Variants in TDRD10 observed in about 807,000 individuals in gnomAD.
The protein encoded by TDRD10 is tudor domain containing 10, also known as tudor domain-containing protein 10.
In TDRD10, 40 loss-of-function variants were observed where a neutral mutation model predicts 48.0. That is an observed-to-expected ratio of 0.83 (90% CI 0.65 to 1.09). The LOEUF (loss-of-function observed/expected upper bound fraction) is 1.09, where lower values mean the gene tolerates loss of function less well. Ranked by LOEUF, TDRD10 falls within the 50% of genes least tolerant of loss-of-function variation. TDRD10 has a pLI of 0.00. For synonymous variants in TDRD10, 162 were observed against 170.4 expected, an observed-to-expected ratio of 0.95 and a Z score of 0.38; for missense variants, 378 against 434.7, an observed-to-expected ratio of 0.87 and a Z score of 1.16.
chr1:154,538,593 C>T (rs563616750), intron 6 of TDRD10, among the ~76,000 whole-genome samples: 3 of 146,672 alleles, frequency 2.0e-5, no homozygotes, highest in African/African-American at 7.6e-5. Flanking sequence ...GTGGCTCATG[C>T]CTGTAATCCC....
intron 4 of TDRD10, 80 bp from the exon 5 acceptor site, chr1:154,520,224 C>A (rs1693986646): frequency 2.0e-6 from 2 of 980,878 alleles, no homozygotes; most frequent in African/African-American, 1.6e-5. Flanking sequence ...TCCAGACTAG[C>A]TGGCTGGGGA....
At chr1:154,532,946 T>C (rs1249018661) in intron 6 of TDRD10, among the ~76,000 whole-genome samples, 1 of 151,632 alleles carries the variant, frequency 6.6e-6, no homozygotes, top group African/African-American at 2.4e-5. Context: ...GAGGAAAGTC[T>C]TGACTCTCCA....
intron 6 of TDRD10, among the ~76,000 whole-genome samples, chr1:154,527,752 T>C (rs1227752507): frequency 1.3e-5 from 2 of 152,192 alleles, no homozygotes; most frequent in African/African-American, 4.8e-5. Flanking sequence ...TGCAATAATA[T>C]AACTAACAAA....
At chr1:154,506,623 G>T (rs998496530) in intron 1 of TDRD10, among the ~76,000 whole-genome samples, 1 of 152,122 alleles carries the variant, frequency 6.6e-6, no homozygotes, top group African/African-American at 2.4e-5. Context: ...TGATCCACCC[G>T]CCTCGGCCTC....
chr1:154,510,785 G>A (rs547562853), intron 4 of TDRD10, among the ~76,000 whole-genome samples: 1 of 151,820 alleles, frequency 6.6e-6, no homozygotes, highest in South Asian at 2.1e-4. Context: ...GGTGGCTCAC[G>A]CCTGTAATTC....
chr1:154,502,266 G>A lies in TDRD10; in HGVS notation c.-791G>A. ...GAGGACACCGTGGCTCTCGGAGGCG[G>A]CGGGCGCCGGGGGCTTCCCCCTGCT... On this transcript the variant is annotated 5_prime_UTR_variant, in exon 1 of 13. Coordinates refer to ENST00000368482, the MANE Select transcript of TDRD10 (RefSeq NM_182499.4). 4.4e-6 allele frequency: 1 copy of A among 225,856 alleles called. No homozygotes were observed. The allele number at this position is 225,856 out of a possible 1,614,324, so 14.0% of individuals were successfully genotyped here. A position where few individuals can be genotyped will look rare whatever the true frequency, so the allele number is the denominator to read the frequency against.
At chr1:154,526,006 A>G (rs1570937881) in intron 6 of TDRD10, among the ~76,000 whole-genome samples, 1 of 150,508 alleles carries the variant, frequency 6.6e-6, no homozygotes, top group Non-Finnish European at 1.5e-5. Context: ...GTTTGAGACC[A>G]CCCTGGCCAA....
intron 4 of TDRD10, among the ~76,000 whole-genome samples, chr1:154,509,095 CT>C (rs59771172): frequency 2.1e-4 from 27 of 127,176 alleles, no homozygotes; most frequent in African/African-American, 7.0e-4. Context: ...CACCTCCTGA[CT>C]TTTTTTTTTT....
At chr1:154,528,610 G>A (rs1694437007) in intron 6 of TDRD10, among the ~76,000 whole-genome samples, 1 of 152,022 alleles carries the variant, frequency 6.6e-6, no homozygotes, top group African/African-American at 2.4e-5. Context: ...GGAGGCTGAG[G>A]CAGGCGGAGA....
At chr1:154,507,769 C>T (rs990086854) in intron 3 of TDRD10, among the ~76,000 whole-genome samples, 1 of 152,226 alleles carries the variant, frequency 6.6e-6, no homozygotes, top group Non-Finnish European at 1.5e-5. Context: ...TCACCACTCA[C>T]TGCATGCAGT....
Position 154,521,533 on chromosome 1 carries a change from G to A in TDRD10, c.369+54G>A, listed in dbSNP as rs181700500. The A allele has an allele frequency of 3.4e-5, 54 of 1,579,084 alleles. No homozygotes were observed. In the Middle Eastern group the frequency reaches 6.8e-4, roughly 20 times the overall value. ...GCGTTCCATTTTCACCCTTTAGAGC[G>A]TGGCTGACTTTGCTTTCAGTGCTTT... On this transcript the variant is annotated intron_variant, in intron 6 of 12. Transcript: ENST00000368482.
chr1:154,547,560 C>T (rs1045129881), intron 12 of TDRD10, 81 bp downstream of exon 12: 1 of 1,614,240 alleles, frequency 6.2e-7, no homozygotes, highest in Non-Finnish European at 8.5e-7. Context: ...CTGCCTAGGC[C>T]TGGACACAGT....
At chr1:154,525,711 T>C (rs1694277221) in intron 6 of TDRD10, among the ~76,000 whole-genome samples, 1 of 152,104 alleles carries the variant, frequency 6.6e-6, no homozygotes, top group South Asian at 2.1e-4. Context: ...CTAGCCAACA[T>C]GGCGAAACCC....
At chr1:154,507,095 A>G in intron 2 of TDRD10, 146 bp from the exon 3 acceptor site, 2 of 1,523,570 alleles carry the variant, frequency 1.3e-6, no homozygotes, top group East Asian at 2.4e-5. Context: ...CCTGGCTTGG[A>G]ACCTGATTCT....
intron 6 of TDRD10, 163 bp from the exon 7 acceptor site, chr1:154,541,861 G>T: frequency 1.6e-6 from 1 of 622,388 alleles, no homozygotes. Context: ...ATGCCGTGAG[G>T]ATGGAGAGAG....
chr1:154,535,368 A>G (rs566424565), intron 6 of TDRD10, among the ~76,000 whole-genome samples: 6 of 139,452 alleles, frequency 4.3e-5, no homozygotes, highest in Admixed American at 4.2e-4. Flanking sequence ...CTCCATCTCA[A>G]GAAAAAAAAA....
chr1:154,529,497 C>T (rs562445927), intron 6 of TDRD10, among the ~76,000 whole-genome samples: 31 of 151,006 alleles, frequency 2.1e-4, no homozygotes, highest in African/African-American at 7.3e-4. Flanking sequence ...GCAGAAACCG[C>T]AATAATTTTT....
intron 1 of TDRD10, among the ~76,000 whole-genome samples, chr1:154,505,273 G>A (rs1192328868): frequency 1.3e-5 from 2 of 152,238 alleles, no homozygotes; most frequent in African/African-American, 4.8e-5. Context: ...TAGCTGCTTA[G>A]CATAGTACCT....
chr1:154,503,764 T>C (rs945200996), intron 1 of TDRD10, among the ~76,000 whole-genome samples: 1 of 152,240 alleles, frequency 6.6e-6, no homozygotes, highest in Non-Finnish European at 1.5e-5. Flanking sequence ...GTGGACGGCC[T>C]CATTTGTGTG....
Sources: gnomAD v4.1 joint callset for allele counts (sites outside exome capture counted in the v4.1 genomes callset) on GRCh38, gnomAD v4.1.1 for gene constraint, MANE v1.5 for transcripts, NCBI Gene and HGNC (gene_info 2026-07-23, HGNC 2026-07-21) for gene names.